GYS1: variants seen among roughly 807,000 people sequenced by gnomAD.
The protein encoded by GYS1 is glycogen synthase 1.
A neutral mutation model predicts 89.1 loss-of-function variants in GYS1; 60 were observed. The observed-to-expected ratio is 0.67, with a 90% confidence interval of 0.55 to 0.84. GYS1 has a LOEUF of 0.84. GYS1 is among the 40% of genes least tolerant of loss of function. GYS1 has a pLI of 0.00. For synonymous variants in GYS1, 366 were observed against 401.7 expected, an observed-to-expected ratio of 0.91 and a Z score of 1.06; for missense variants, 888 against 1,003.1, an observed-to-expected ratio of 0.89 and a Z score of 1.55.
At chr19:48,972,569 C>T (rs1344205966) in intron 12 of GYS1, among the ~76,000 whole-genome samples, 2 of 152,038 alleles carry the variant, frequency 1.3e-5, no homozygotes, top group Admixed American at 6.6e-5. Context: ...ATCTCTGCCT[C>T]TGGGGTTCAA....
Position 48,993,011 on chromosome 19 carries a change from C to T in GYS1, c.102G>A (p.Trp34Ter). 6.2e-7 allele frequency: 1 copy of T among 1,607,650 alleles called. No homozygotes were observed. The highest frequency in any genetic ancestry group is 2.2e-5 in the East Asian group (1 of 44,842). The change falls in exon 1 of 16, where the codon TGG becomes TGA. Residue 34 changes from tryptophan (W) to a stop codon, truncating the protein, a stop_gained. Transcript: ENST00000323798. LOFTEE classifies it high-confidence loss of function. ...LENAVLFEVA[W>*]EVANKVGGIY... ...CGTGCTCACCCTTGTTAGCCACCTC[C>T]CAGGCCACTTCGAAGAGCACTGCGT...
At chr19:48,978,316 C>G in intron 8 of GYS1, 159 bp from the exon 9 acceptor site, 1 of 687,400 alleles carries the variant, frequency 1.5e-6, no homozygotes, top group Non-Finnish European at 2.6e-6. Flanking sequence ...ACCTCTGCCT[C>G]CCAGGTTCAA....
chr19:48,988,223 A>G (rs2038871514), intron 2 of GYS1, among the ~76,000 whole-genome samples: 1 of 152,164 alleles, frequency 6.6e-6, no homozygotes, highest in East Asian at 1.9e-4. Flanking sequence ...CCACTCTGCA[A>G]ATCATTTCCC....
intron 12 of GYS1, among the ~76,000 whole-genome samples, chr19:48,972,260 C>G (rs1375672874): frequency 6.6e-6 from 1 of 151,828 alleles, no homozygotes; most frequent in Non-Finnish European, 1.5e-5. Flanking sequence ...ATCACTTGAA[C>G]CCGGGAGGCG....
chr19:48,993,188 G>T lies in GYS1; in HGVS notation c.-76C>A, dbSNP rs537666737. The stretch of plus-strand genomic sequence containing the variant: ...GGTGTCTAGGGAATGCACCAGGTAG[G>T]GTGCGGGGCCGAGTAGCTGGTGCCC... On this transcript the variant is annotated 5_prime_UTR_variant, in exon 1 of 16. Coordinates refer to ENST00000323798, the MANE Select transcript of GYS1 (RefSeq NM_002103.5). The T allele has an allele frequency of 5.0e-5, 43 of 857,140 alleles. No homozygotes were observed. The East Asian group carries it at 1.0e-3, about 20-fold the overall frequency. The allele number at this position is 857,140 out of a possible 1,614,324, so 53.1% of individuals were successfully genotyped here.
intron 2 of GYS1, among the ~76,000 whole-genome samples, chr19:48,987,778 A>G (rs28637124): frequency 0.47 from 71,322 of 150,476 alleles, 17,008 homozygotes; most frequent in African/African-American, 0.52. Flanking sequence ...CTGGGATTAC[A>G]GGCACCCGCT....
intron 1 of GYS1, 107 bp downstream of exon 1, chr19:48,992,888 G>A: frequency 1.3e-6 from 1 of 768,398 alleles, no homozygotes; most frequent in Non-Finnish European, 2.4e-6. Flanking sequence ...TCCTTGCCCA[G>A]GTCACAAGGG....
Position 48,982,850 on chromosome 19 carries a change from G to T in GYS1, c.824-13C>A. The T allele has an allele frequency of 1.4e-6, 2 of 1,445,094 alleles. No individual in the cohort carries two copies. The highest frequency in any genetic ancestry group is 2.0e-6 in the Non-Finnish European group (2 of 1,025,500). 89.5% of individuals were successfully genotyped at this position (1,445,094 alleles called of 1,614,324 possible). On this transcript the variant is annotated splice_polypyrimidine_tract_variant and intron_variant, in intron 5 of 15. Transcript: ENST00000323798. Reference sequence around the variant, plus strand: ...GGGGTCACAATATCTGGGATTGGGGGTGAGGGTCCCATGTTTTATTTGTTC... The same window carrying T: ...GGGGTCACAATATCTGGGATTGGGGTTGAGGGTCCCATGTTTTATTTGTTC...
At chr19:48,979,405 G>C (rs1274708384) in intron 8 of GYS1, among the ~76,000 whole-genome samples, 8 of 122,654 alleles carry the variant, frequency 6.5e-5, no homozygotes, top group Non-Finnish European at 1.3e-4. Context: ...TGTCGCCCAG[G>C]ATGGCGCAAT....
At chr19:48,979,336 CTTTTTTTT>C (rs777178030) in intron 8 of GYS1, among the ~76,000 whole-genome samples, 3 of 92,770 alleles carry the variant, frequency 3.2e-5, no homozygotes, top group East Asian at 3.0e-4. Context: ...TTTTTCTTTT[CTTTTTTTT>C]TTTTTTTTTT....
At chr19:48,981,819 A>C (rs2038768604) in intron 7 of GYS1, among the ~76,000 whole-genome samples, 183 bp from the exon 8 acceptor site, 1 of 151,894 alleles carries the variant, frequency 6.6e-6, no homozygotes, top group Non-Finnish European at 1.5e-5. Flanking sequence ...ACGGCCCCCC[A>C]CCATACTCAG....
chr19:48,978,336 C>T lies in GYS1; in HGVS notation c.1170-179G>A, dbSNP rs1454719850. 4.7e-6 allele frequency: 3 copies of T among 637,996 alleles called. No individual in the cohort carries two copies. In the East Asian group the frequency reaches 9.1e-5, roughly 19 times the overall value. 39.5% of individuals were successfully genotyped at this position (637,996 alleles called of 1,614,324 possible). A position where few individuals can be genotyped will look rare whatever the true frequency, so the allele number is the denominator to read the frequency against. On this transcript the variant is annotated intron_variant, in intron 8 of 15. Coordinates refer to ENST00000323798, the MANE Select transcript of GYS1 (RefSeq NM_002103.5). ...TGCCTCCCAGGTTCAAGCAATTCTC[C>T]TGCCTCAGCCTCCCGAGTAGCTGGG...
At chr19:48,989,239 TG>T (rs1264607509) in intron 2 of GYS1, among the ~76,000 whole-genome samples, 1 of 151,566 alleles carries the variant, frequency 6.6e-6, no homozygotes, top group African/African-American at 2.4e-5. Flanking sequence ...CCTAGCTCTT[TG>T]GGGGGCCGAG....
At position 48,991,433 on chromosome 19, in the gene GYS1, C is replaced by T. The variant is rs1269744178; in HGVS notation, c.169G>A (p.Glu57Lys). 4 of 1,614,140 alleles carry T rather than the reference C, an allele frequency of 2.5e-6. No individual in the cohort carries two copies. The highest frequency in any genetic ancestry group is 1.7e-5 in the Admixed American group (1 of 60,030). The change falls in exon 2 of 16, where the codon GAA (glutamate) becomes AAA (lysine). Residue 57 changes from glutamate (E) to lysine (K), a missense_variant. Physicochemically the swap from Glu to Lys is moderately conservative, Grantham distance 56. Transcript: ENST00000323798. This position sits in a 1 kb window ranked among gnomAD's most constrained non-coding sequence, Gnocchi z 4.7. ...LQTKAKVTGD[E>K]WGDNYFLVGP... ...ACCAGGAAGTAGTTGTCGCCCCATTCGTCCCCTGTCACCTTCGCCTTCGTC... is the reference window on the plus strand; with the variant it reads ...ACCAGGAAGTAGTTGTCGCCCCATTTGTCCCCTGTCACCTTCGCCTTCGTC...
At chr19:48,981,500 G>T in intron 8 of GYS1, 30 bp downstream of exon 8, 3 of 1,224,734 alleles carry the variant, frequency 2.4e-6, no homozygotes, top group Non-Finnish European at 3.6e-6. Flanking sequence ...GGAGTGGGCT[G>T]CGCCAGGGGC....
intron 1 of GYS1, among the ~76,000 whole-genome samples, chr19:48,992,465 G>A (rs1468537491): frequency 3.5e-5 from 1 of 28,602 alleles, no homozygotes; most frequent in Non-Finnish European, 6.2e-5. Context: ...CAGGCCCTCA[G>A]CTCCTTCAAA....
At position 48,991,770 on chromosome 19, in the gene GYS1, C is replaced by T. The variant is rs1052607864; in HGVS notation, c.119-287G>A. 6.6e-6 allele frequency among the ~76,000 whole-genome samples: 1 copy of T among 152,068 alleles called. No homozygotes were observed. The highest frequency in any genetic ancestry group is 6.6e-5 in the Admixed American group (1 of 15,262). ...ACTTCTGGGTCTGAGAGAGAAGGGG[C>T]TGGGTGCCGGGACCCCTTGGTCTGA... On this transcript the variant is annotated intron_variant, in intron 1 of 15. Coordinates refer to ENST00000323798, the MANE Select transcript of GYS1 (RefSeq NM_002103.5). This position sits in a 1 kb window ranked among gnomAD's most constrained non-coding sequence, Gnocchi z 4.7.
intron 10 of GYS1, among the ~76,000 whole-genome samples, chr19:48,975,937 A>G (rs145015201): frequency 0.019 from 2,844 of 146,710 alleles, 95 homozygotes; most frequent in African/African-American, 0.067. Context: ...AAAAAAAAAG[A>G]AGAAAAAAGA....
Position 48,991,454 on chromosome 19 carries a change from TCGTCTG to T in GYS1, c.142_147del (p.Gln48_Thr49del). 6.2e-7 allele frequency: 1 copy of T among 1,613,898 alleles called. No homozygotes were observed. The highest frequency in any genetic ancestry group is 8.5e-7 in the Non-Finnish European group (1 of 1,179,944). ...CATTCGTCCCCTGTCACCTTCGCCT[TCGTCTG>T]CAGCACCGTGTAGATGCCACCCACT... On this transcript the variant is annotated inframe_deletion, in exon 2 of 16. Transcript: ENST00000323798. This position sits in a 1 kb window ranked among gnomAD's most constrained non-coding sequence, Gnocchi z 4.7.
Sources: allele counts gnomAD v4.1 joint callset (sites outside exome capture counted in the v4.1 genomes callset), GRCh38; gene constraint gnomAD v4.1.1; non-coding constraint Gnocchi (gnomAD v3.1); transcripts MANE v1.5; gene names NCBI Gene and HGNC (gene_info 2026-07-23, HGNC 2026-07-21).